UBE2D1: variants seen among roughly 807,000 people sequenced by gnomAD.
UBE2D1 encodes ubiquitin conjugating enzyme E2 D1, also known as ubiquitin-conjugating enzyme E2 D1.
Under a neutral mutation model 24.6 loss-of-function variants are expected in UBE2D1, and 9 were observed. That is an observed-to-expected ratio of 0.37 (90% CI 0.22 to 0.64). UBE2D1 has a LOEUF of 0.64. Among genes scored for constraint, UBE2D1 ranks in the 30% least tolerant of loss-of-function variants. UBE2D1 has a pLI of 0.64. For missense variants in UBE2D1, 87 were observed against 177.1 expected (o/e 0.49, Z 2.89); for synonymous variants, 57 against 57.6 (o/e 0.99, Z 0.04).
At chr10:58,349,213 TTA>T (rs1182276286) in intron 1 of UBE2D1, among the ~76,000 whole-genome samples, 1 of 152,184 alleles carries the variant, frequency 6.6e-6, no homozygotes, top group East Asian at 1.9e-4. Flanking sequence ...CATTAATATC[TTA>T]TATTTTTATT....
intron 1 of UBE2D1, among the ~76,000 whole-genome samples, chr10:58,337,873 G>A (rs1839919616): frequency 6.6e-6 from 1 of 151,890 alleles, no homozygotes; most frequent in Non-Finnish European, 1.5e-5. Flanking sequence ...TTGAGATGGA[G>A]TCTTGCTATG....
At chr10:58,348,306 C>G (rs1454836707) in intron 1 of UBE2D1, among the ~76,000 whole-genome samples, 2 of 152,182 alleles carry the variant, frequency 1.3e-5, no homozygotes, top group African/African-American at 4.8e-5. Flanking sequence ...TGAAATAGCT[C>G]TAGTCAACTG....
In UBE2D1 at chr10:58,345,552, T is replaced by G. The variant is rs550730795; in HGVS notation, c.24+10327T>G. Among the ~76,000 whole-genome samples the G allele has an allele frequency of 4.6e-5, 7 of 152,246 alleles. No individual in the cohort carries two copies. The East Asian group carries it at 5.8e-4, about 13-fold the overall frequency. ...AAATGCAGTAAGGAGATGCTAGTTA[T>G]GTAGAAAAACAGGTATCACCATTAT... On this transcript the variant is annotated intron_variant, in intron 1 of 6. Coordinates refer to ENST00000373910, the MANE Select transcript of UBE2D1 (RefSeq NM_003338.5).
At chr10:58,353,467 C>A (rs1461020230) in intron 1 of UBE2D1, among the ~76,000 whole-genome samples, 1 of 152,108 alleles carries the variant, frequency 6.6e-6, no homozygotes, top group Non-Finnish European at 1.5e-5. Context: ...CCCTAACTCC[C>A]CTTGGAAAGC....
chr10:58,366,658 G>T (rs1452469795), intron 5 of UBE2D1, among the ~76,000 whole-genome samples: 1 of 152,034 alleles, frequency 6.6e-6, no homozygotes, highest in Non-Finnish European at 1.5e-5. Context: ...TGCCCAGGCT[G>T]GTCTCAAACT....
At position 58,368,783 on chromosome 10, in the gene UBE2D1, A is replaced by G. The variant is rs747144551; in HGVS notation, c.*18A>G. 4 of 1,561,196 alleles carry G rather than the reference A, an allele frequency of 2.6e-6. No homozygotes were observed. The highest frequency in any genetic ancestry group is 2.6e-6 in the Non-Finnish European group (3 of 1,146,100). On this transcript the variant is annotated 3_prime_UTR_variant, in exon 7 of 7. Coordinates refer to ENST00000373910, the MANE Select transcript of UBE2D1 (RefSeq NM_003338.5). Reference sequence around the variant, plus strand: ...CAATGTAAAAATCAAAAACATTTTCATATATACCAGAGTACTGTAAAATCT... The same window carrying G: ...CAATGTAAAAATCAAAAACATTTTCGTATATACCAGAGTACTGTAAAATCT...
At position 58,338,759 on chromosome 10, in the gene UBE2D1, T is replaced by TATGTG. The variant is rs148144572; in HGVS notation, c.24+3557_24+3561dup. On this transcript the variant is annotated intron_variant, in intron 1 of 6. Coordinates refer to ENST00000373910, the MANE Select transcript of UBE2D1 (RefSeq NM_003338.5). ...GAGGTAATGAACATCATACTAGCAT[T>TATGTG]ATGTGATGTGATGTGATGTGATGTG... 7.5e-3 allele frequency among the ~76,000 whole-genome samples: 1,140 copies of TATGTG among 152,180 alleles called. 7 individuals carry two copies. Among genetic ancestry groups the TATGTG allele is most frequent in the Non-Finnish European group, 9.7e-3 (657 of 68,010 alleles).
At chr10:58,346,573 T>G (rs187921416) in intron 1 of UBE2D1, among the ~76,000 whole-genome samples, 186 of 152,234 alleles carry the variant, frequency 1.2e-3, no homozygotes, top group Non-Finnish European at 2.0e-3. Context: ...TTAAGTATCT[T>G]CTGCCGAAAA....
chr10:58,335,613 A>G (rs1839894750), intron 1 of UBE2D1, among the ~76,000 whole-genome samples: 1 of 152,232 alleles, frequency 6.6e-6, no homozygotes, highest in Non-Finnish European at 1.5e-5. Flanking sequence ...CTGTTTCTTA[A>G]GCCTGTCCTC....
At chr10:58,338,835 G>A (rs888008966) in intron 1 of UBE2D1, among the ~76,000 whole-genome samples, 3 of 152,118 alleles carry the variant, frequency 2.0e-5, no homozygotes, top group East Asian at 3.8e-4. Context: ...ATAGAGTTCC[G>A]TTTTACAAAC....
intron 1 of UBE2D1, chr10:58,360,774 TGTGCTGGCACATGCCTGTA>T (rs1205298228): frequency 3.6e-6 from 1 of 277,382 alleles, no homozygotes; most frequent in Non-Finnish European, 7.4e-6. Context: ...ATTAGCCGGG[TGTGCTGGCACATGCCTGTA>T]GTGCCAGCTA....
At chr10:58,340,397 T>C (rs1356435109) in intron 1 of UBE2D1, among the ~76,000 whole-genome samples, 1 of 152,172 alleles carries the variant, frequency 6.6e-6, no homozygotes, top group Non-Finnish European at 1.5e-5. Flanking sequence ...CAGAGCAAAT[T>C]TGTGGGCTTT....
At chr10:58,358,361 A>G (rs1041088520) in intron 1 of UBE2D1, among the ~76,000 whole-genome samples, 1 of 152,196 alleles carries the variant, frequency 6.6e-6, no homozygotes, top group African/African-American at 2.4e-5. Flanking sequence ...TACAGAGGCA[A>G]TCTCCTAAAA....
Position 58,368,928 on chromosome 10 carries a change from A to G in UBE2D1, c.*163A>G. The G allele has an allele frequency of 9.5e-6, 4 of 419,630 alleles. No individual in the cohort carries two copies. The highest frequency in any genetic ancestry group is 1.3e-5 in the Non-Finnish European group (3 of 236,134). The allele number at this position is 419,630 out of a possible 1,614,324, so 26.0% of individuals were successfully genotyped here. ...TGAAGCAAGACAAAACAAACTTCCA[A>G]AAATACCCTTAAGACTGTGATGAGA... On this transcript the variant is annotated 3_prime_UTR_variant, in exon 7 of 7. Transcript: ENST00000373910.
chr10:58,358,251 CAG>C (rs1299331842), intron 1 of UBE2D1, among the ~76,000 whole-genome samples: 1 of 152,088 alleles, frequency 6.6e-6, no homozygotes, highest in East Asian at 1.9e-4. Context: ...TTTAAAACTA[CAG>C]AGACTATCAT....
intron 1 of UBE2D1, among the ~76,000 whole-genome samples, chr10:58,347,373 G>A (rs1840027952): frequency 6.6e-6 from 1 of 152,130 alleles, no homozygotes; most frequent in Non-Finnish European, 1.5e-5. Flanking sequence ...TTCAAATACA[G>A]CTTTTACTTG....
chr10:58,358,406 T>G (rs1840156629), intron 1 of UBE2D1, among the ~76,000 whole-genome samples: 1 of 152,200 alleles, frequency 6.6e-6, no homozygotes, highest in South Asian at 2.1e-4. Flanking sequence ...GGCACAGCCC[T>G]TCTAAAATGG....
In UBE2D1 at chr10:58,361,397, T is replaced by C. The variant is rs775239769; in HGVS notation, c.84T>C (p.Asp28=). The C allele has an allele frequency of 3.7e-6, 6 of 1,614,118 alleles. No homozygotes were observed. The African/African-American group carries it at 8.0e-5, about 22-fold the overall frequency. ...ACTGTTCAGCTGGACCTGTGGGAGA[T>C]GACTGTAAGCCTTGCTCTATTTCTG... is the stretch of plus-strand genomic sequence containing the variant. ...PAHCSAGPVG[D]DLFHWQATIM... is the part of the protein sequence containing the mutation. Residue 28 remains aspartate (D), a synonymous_variant, in exon 2 of 7, where the codon GAT becomes GAC. Transcript: ENST00000373910.
Position 58,349,498 on chromosome 10 carries a change from C to T in UBE2D1, c.25-11840C>T, listed in dbSNP as rs535555898. On this transcript the variant is annotated intron_variant, in intron 1 of 6. Transcript: ENST00000373910. ...CCGAAATACACAAAATATATGTATA[C>T]TCACACAGTGTGCTTCTATAATGAA... Among the ~76,000 whole-genome samples the T allele has an allele frequency of 2.6e-5, 4 of 152,314 alleles. No homozygotes were observed. The East Asian group carries it at 5.8e-4, about 22-fold the overall frequency.
Sources: allele counts gnomAD v4.1 joint callset (sites outside exome capture counted in the v4.1 genomes callset), GRCh38; gene constraint gnomAD v4.1.1; transcripts MANE v1.5; gene names NCBI Gene and HGNC (gene_info 2026-07-23, HGNC 2026-07-21).